The following GAS7 variants were observed in gnomAD, a reference collection of about 807,000 sequenced individuals.
The protein encoded by GAS7 is growth arrest specific 7.
A neutral mutation model predicts 71.1 loss-of-function variants in GAS7; 28 were observed. That is an observed-to-expected ratio of 0.39 (90% CI 0.29 to 0.54). The LOEUF is 0.54. Ranked by LOEUF, GAS7 falls within the 20% of genes least tolerant of loss-of-function variation. The pLI, the probability that GAS7 is intolerant of heterozygous loss-of-function variation, is 0.62. For missense variants in GAS7, 436 were observed against 627.8 expected, an observed-to-expected ratio of 0.69 and a Z score of 3.27; for synonymous variants, 258 against 245.8, an observed-to-expected ratio of 1.05 and a Z score of -0.46.
chr17:10,164,398 C>T (rs1415806028), intron 1 of GAS7, among the ~76,000 whole-genome samples: 6 of 150,214 alleles, frequency 4.0e-5, no homozygotes, highest in Admixed American at 2.7e-4. Flanking sequence ...GCCGAGTTCA[C>T]GCCACTGCAC....
intron 1 of GAS7, among the ~76,000 whole-genome samples, chr17:10,114,241 A>T (rs532325642): frequency 6.6e-6 from 1 of 152,124 alleles, no homozygotes; most frequent in Non-Finnish European, 1.5e-5. Flanking sequence ...TCAATGCTAC[A>T]GTCTCACTGG....
Position 9,959,778 on chromosome 17 carries a change from C to T in GAS7, c.472-523G>A, listed in dbSNP as rs1207478196. ...CCCTGACTCCCCGCTCCCCCAACCCCGTGAGCCAGGAGGGATTTCTCAGCC... is the reference window on the plus strand; with the variant it reads ...CCCTGACTCCCCGCTCCCCCAACCCTGTGAGCCAGGAGGGATTTCTCAGCC... On this transcript the variant is annotated intron_variant, in intron 4 of 13. Coordinates refer to ENST00000432992, the MANE Select transcript of GAS7 (RefSeq NM_201433.2). The surrounding 1 kb of genome is among the most constrained non-coding windows in gnomAD (Gnocchi z 5.0). Among the ~76,000 whole-genome samples the T allele has an allele frequency of 1.3e-5, 2 of 152,166 alleles. No homozygotes were observed. Among genetic ancestry groups the T allele is most frequent in the Non-Finnish European group, 1.5e-5 (1 of 68,034 alleles).
chr17:10,037,785 A>C (rs774903184), intron 1 of GAS7, among the ~76,000 whole-genome samples: 1 of 152,140 alleles, frequency 6.6e-6, no homozygotes, highest in Non-Finnish European at 1.5e-5. Context: ...GGACGAAGTA[A>C]ATGCTCAATG....
At chr17:9,925,730 A>G (rs1218893463) in intron 10 of GAS7, 131 bp from the exon 11 acceptor site, 6 of 963,300 alleles carry the variant, frequency 6.2e-6, no homozygotes, top group Non-Finnish European at 9.3e-6. Flanking sequence ...AGTGGTCCAG[A>G]GAGGCCCAGC....
At chr17:10,181,174 A>G (rs553324367) in intron 1 of GAS7, among the ~76,000 whole-genome samples, 112 of 147,470 alleles carry the variant, frequency 7.6e-4, no homozygotes, top group African/African-American at 2.6e-3. Flanking sequence ...ATCCTGGCTA[A>G]CACAGTGAAA....
rs1338650948 is a variant in GAS7 at position 9,911,744 on chromosome 17, G to A, written c.*5484C>T. 4.3e-6 allele frequency: 1 copy of A among 232,302 alleles called. No individual in the cohort carries two copies. Among genetic ancestry groups the A allele is most frequent in the African/African-American group, 2.2e-5 (1 of 45,266 alleles). 14.4% of individuals were successfully genotyped at this position (232,302 alleles called of 1,614,324 possible). On this transcript the variant is annotated 3_prime_UTR_variant, in exon 14 of 14. Transcript: ENST00000432992. This position sits in a 1 kb window ranked among gnomAD's most constrained non-coding sequence, Gnocchi z 4.0. ...TCGGCTCCCTACCTTGAGGCCCCGG[G>A]GGCTCAGGCTTCCTGGCCCTAATCT...
Position 9,959,207 on chromosome 17 carries a change from T to G in GAS7, c.520A>C (p.Ile174Leu). ...PSKKQSKENTITINCVTFPHP... is the reference protein window; with the variant it reads ...PSKKQSKENTLTINCVTFPHP... ...GCCCCTCGGGAGCCACTTACTGTGA[T>G]GGTGTTTTCCTTGCTCTGCTTTTTG... Residue 174 changes from isoleucine to leucine, a missense_variant, in exon 5 of 14, where the codon ATC becomes CTC. Ile to Leu is a conservative substitution (Grantham distance 5). Coordinates refer to ENST00000432992, the MANE Select transcript of GAS7 (RefSeq NM_201433.2). This position sits in a 1 kb window ranked among gnomAD's most constrained non-coding sequence, Gnocchi z 5.0. 6.2e-7 allele frequency: 1 copy of G among 1,614,110 alleles called. No individual in the cohort carries two copies. The highest frequency in any genetic ancestry group is 1.3e-5 in the African/African-American group (1 of 75,064).
At chr17:10,077,610 C>T (rs1052350557) in intron 1 of GAS7, among the ~76,000 whole-genome samples, 4 of 152,180 alleles carry the variant, frequency 2.6e-5, no homozygotes, top group African/African-American at 4.8e-5. Context: ...TAAGTGACTG[C>T]CCTATCCCAA....
intron 1 of GAS7, chr17:10,039,904 G>A (rs927324270): frequency 1.3e-5 from 4 of 299,604 alleles, no homozygotes; most frequent in Admixed American, 8.7e-5. Context: ...TTCTGTGTCC[G>A]CATCCCACCT....
intron 1 of GAS7, among the ~76,000 whole-genome samples, chr17:10,053,310 A>G (rs2073088640): frequency 6.6e-6 from 1 of 152,188 alleles, no homozygotes; most frequent in Admixed American, 6.5e-5. Context: ...TTCTTGGCTC[A>G]CGTGCACTGC....
At chr17:10,185,723 C>G (rs778693076) in intron 1 of GAS7, among the ~76,000 whole-genome samples, 9 of 152,120 alleles carry the variant, frequency 5.9e-5, no homozygotes, top group Non-Finnish European at 1.0e-4. Context: ...GGATCTGACT[C>G]CAACACCAGG....
At chr17:10,121,862 C>T (rs2073906834) in intron 1 of GAS7, among the ~76,000 whole-genome samples, 1 of 152,154 alleles carries the variant, frequency 6.6e-6, no homozygotes, top group South Asian at 2.1e-4. Flanking sequence ...TGGGTGCCAC[C>T]AGTACCCCAG....
At chr17:10,111,599 G>A (rs775486006) in intron 1 of GAS7, among the ~76,000 whole-genome samples, 14 of 151,700 alleles carry the variant, frequency 9.2e-5, no homozygotes, top group Non-Finnish European at 1.9e-4. Context: ...CAGGAGAATC[G>A]CTTGAACCCA....
intron 1 of GAS7, among the ~76,000 whole-genome samples, chr17:10,086,334 T>G (rs969982996): frequency 6.6e-6 from 1 of 152,220 alleles, no homozygotes; most frequent in African/African-American, 2.4e-5. Context: ...CAGCCTGGAA[T>G]GTGTGCATGA....
At chr17:9,925,674 T>C (rs778403929) in intron 10 of GAS7, 75 bp from the exon 11 acceptor site, 241 of 1,552,444 alleles carry the variant, frequency 1.6e-4, no homozygotes, top group Non-Finnish European at 2.1e-4. Flanking sequence ...GCAGCCCAGC[T>C]TCCCTTTGGA....
chr17:10,194,290 C>T (rs2074524173), intron 1 of GAS7, among the ~76,000 whole-genome samples: 1 of 152,238 alleles, frequency 6.6e-6, no homozygotes, highest in Non-Finnish European at 1.5e-5. Context: ...TTCCCAAAAG[C>T]TCTGGGAAGT....
intron 1 of GAS7, among the ~76,000 whole-genome samples, chr17:10,139,656 T>C (rs150891453): frequency 6.6e-6 from 1 of 152,364 alleles, no homozygotes; most frequent in African/African-American, 2.4e-5. Context: ...GATGGCTTTC[T>C]ACTGTGTCAA....
intron 5 of GAS7, among the ~76,000 whole-genome samples, chr17:9,948,738 T>C (rs1368874666): frequency 6.6e-6 from 1 of 151,636 alleles, no homozygotes; most frequent in East Asian, 1.9e-4. Context: ...CTAAGGAGCG[T>C]GAAGTACAGA....
At chr17:10,082,596 A>G (rs2073469695) in intron 1 of GAS7, among the ~76,000 whole-genome samples, 2 of 152,250 alleles carry the variant, frequency 1.3e-5, no homozygotes, top group South Asian at 2.1e-4. Context: ...CATTTCTTAT[A>G]AAGTTAAATG....
Sources: allele counts gnomAD v4.1 joint callset (sites outside exome capture counted in the v4.1 genomes callset), GRCh38; gene constraint gnomAD v4.1.1; non-coding constraint Gnocchi (gnomAD v3.1); transcripts MANE v1.5; gene names NCBI Gene and HGNC (gene_info 2026-07-23, HGNC 2026-07-21).